Variants in SLC2A13 observed in about 807,000 individuals in gnomAD.
SLC2A13 encodes proton myo-inositol cotransporter.
SLC2A13 carries 32 observed loss-of-function variants against 64.4 expected under a neutral mutation model. The ratio of observed to expected loss-of-function variants is 0.50; its 90% CI spans 0.37 to 0.67. The LOEUF (loss-of-function observed/expected upper bound fraction) is 0.67. SLC2A13 is among the 30% of genes least tolerant of loss of function. The pLI, the probability that SLC2A13 is intolerant of heterozygous loss-of-function variation, is 0.00. For missense variants in SLC2A13, 743 were observed against 829.2 expected (o/e 0.90, Z 1.28); for synonymous variants, 338 against 327.1 (o/e 1.03, Z -0.36).
chr12:40,099,484 T>C (rs1028621018), intron 1 of SLC2A13, among the ~76,000 whole-genome samples: 2 of 152,228 alleles, frequency 1.3e-5, no homozygotes, highest in African/African-American at 4.8e-5. Context: ...CAAAAAGATG[T>C]TAGTGTGAAG....
At chr12:39,902,801 C>T (rs1945167669) in intron 4 of SLC2A13, among the ~76,000 whole-genome samples, 1 of 151,974 alleles carries the variant, frequency 6.6e-6, no homozygotes, top group Non-Finnish European at 1.5e-5. Flanking sequence ...TTTTAGTTAT[C>T]TACTATGAAT....
intron 3 of SLC2A13, among the ~76,000 whole-genome samples, chr12:39,967,763 T>C (rs1565566534): frequency 6.6e-6 from 1 of 152,094 alleles, no homozygotes; most frequent in Non-Finnish European, 1.5e-5. Flanking sequence ...GGCCTTTTAA[T>C]GAAAGGAGGG....
intron 7 of SLC2A13, among the ~76,000 whole-genome samples, chr12:39,773,349 G>C (rs1940654285): frequency 6.6e-6 from 1 of 152,146 alleles, no homozygotes; most frequent in South Asian, 2.1e-4. Context: ...GCTAAAACCT[G>C]ATATACAGAC....
chr12:39,993,965 A>T (rs1346026999), intron 3 of SLC2A13, among the ~76,000 whole-genome samples: 1 of 152,194 alleles, frequency 6.6e-6, no homozygotes, highest in South Asian at 2.1e-4. Flanking sequence ...ATAATAATAA[A>T]AATTCTCATC....
intron 3 of SLC2A13, among the ~76,000 whole-genome samples, chr12:39,995,362 C>G (rs1449090819): frequency 6.6e-6 from 1 of 152,086 alleles, no homozygotes; most frequent in Non-Finnish European, 1.5e-5. Flanking sequence ...CCCTACTGTG[C>G]TATCAAACAC....
Position 39,824,748 on chromosome 12 carries a change from C to A in SLC2A13, c.1445+5355G>T, listed in dbSNP as rs141045852. 2.9e-3 allele frequency among the ~76,000 whole-genome samples: 438 copies of A among 152,130 alleles called. 2 individuals carry two copies. Among genetic ancestry groups the A allele is most frequent in the African/African-American group, 9.9e-3 (412 of 41,486 alleles). ...AAATGTCTCTCATAGTATGCTACAT[C>A]CAGGGGAGTGCTAGAGGGCAGCAGG... On this transcript the variant is annotated intron_variant, in intron 7 of 9. Transcript: ENST00000280871.
At chr12:39,978,866 G>A (rs1478070302) in intron 3 of SLC2A13, among the ~76,000 whole-genome samples, 2 of 151,226 alleles carry the variant, frequency 1.3e-5, no homozygotes, top group Non-Finnish European at 3.0e-5. Context: ...CACCTCTGGG[G>A]GCAGGGCACA....
At chr12:39,957,540 C>T (rs1946337601) in intron 3 of SLC2A13, among the ~76,000 whole-genome samples, 1 of 152,186 alleles carries the variant, frequency 6.6e-6, no homozygotes, top group Admixed American at 6.5e-5. Context: ...GATTTATCTA[C>T]TTCAAGCCAC....
At chr12:40,055,115 G>A (rs1370963426) in intron 1 of SLC2A13, among the ~76,000 whole-genome samples, 1 of 152,136 alleles carries the variant, frequency 6.6e-6, no homozygotes, top group African/African-American at 2.4e-5. Flanking sequence ...AGTATCTATG[G>A]TTACCAGGTT....
At chr12:39,871,132 T>C (rs1395320417) in intron 5 of SLC2A13, among the ~76,000 whole-genome samples, 5 of 152,174 alleles carry the variant, frequency 3.3e-5, no homozygotes, top group African/African-American at 1.2e-4. Flanking sequence ...ATGTTAAATA[T>C]GTGGGTCTCA....
chr12:39,853,318 C>T (rs1202192257), intron 6 of SLC2A13, among the ~76,000 whole-genome samples: 1 of 152,004 alleles, frequency 6.6e-6, no homozygotes, highest in East Asian at 1.9e-4. Flanking sequence ...GATCTAAGTG[C>T]TGTTTGGCAA....
chr12:39,975,055 A>T (rs1020714153), intron 3 of SLC2A13, among the ~76,000 whole-genome samples: 1 of 152,224 alleles, frequency 6.6e-6, no homozygotes, highest in Non-Finnish European at 1.5e-5. Context: ...TTTTAATGTT[A>T]CATGAGCAAA....
intron 6 of SLC2A13, among the ~76,000 whole-genome samples, chr12:39,838,160 C>A (rs1943071553): frequency 6.7e-6 from 1 of 148,588 alleles, no homozygotes; most frequent in African/African-American, 2.5e-5. Context: ...ACTACGCAGC[C>A]ATAAAAAAGG....
intron 3 of SLC2A13, among the ~76,000 whole-genome samples, chr12:39,977,878 C>A (rs1029416654): frequency 3.3e-5 from 5 of 152,218 alleles, no homozygotes; most frequent in Admixed American, 1.3e-4. Context: ...TGGTCTTCAC[C>A]CTTTCTCTGG....
intron 3 of SLC2A13, among the ~76,000 whole-genome samples, chr12:39,975,823 C>T (rs1591968928): frequency 1.3e-5 from 2 of 151,710 alleles, no homozygotes; most frequent in Middle Eastern, 6.8e-3. Flanking sequence ...CTCTAAGGAG[C>T]CAACGGATAC....
At chr12:39,896,250 ATG>A (rs1944848487) in intron 4 of SLC2A13, among the ~76,000 whole-genome samples, 1 of 99,820 alleles carries the variant, frequency 1.0e-5, no homozygotes, top group Non-Finnish European at 2.3e-5. Flanking sequence ...ATATGTATAC[ATG>A]TATGTATATG....
chr12:40,023,015 A>C (rs1258402915), intron 3 of SLC2A13, among the ~76,000 whole-genome samples: 1 of 152,196 alleles, frequency 6.6e-6, no homozygotes, highest in African/African-American at 2.4e-5. Flanking sequence ...TAAGGCATGC[A>C]GTCAGTGTCT....
intron 1 of SLC2A13, among the ~76,000 whole-genome samples, chr12:40,104,890 C>T (rs536656616): frequency 1.3e-5 from 2 of 152,298 alleles, no homozygotes; most frequent in East Asian, 3.9e-4. Flanking sequence ...CAGAGACCCT[C>T]GTAAGCTCAA....
chr12:39,909,417 C>A (rs994056082), intron 4 of SLC2A13, among the ~76,000 whole-genome samples: 1 of 152,026 alleles, frequency 6.6e-6, no homozygotes, highest in Non-Finnish European at 1.5e-5. Flanking sequence ...AATCGCCATT[C>A]AATTTTTCTG....
Sources: gnomAD v4.1 joint callset for allele counts (sites outside exome capture counted in the v4.1 genomes callset) on GRCh38, gnomAD v4.1.1 for gene constraint, MANE v1.5 for transcripts, NCBI Gene and HGNC (gene_info 2026-07-23, HGNC 2026-07-21) for gene names.